BRIP1: variants seen among roughly 807,000 people sequenced by gnomAD.
BRIP1 encodes BRCA1 interacting DNA helicase 1, also known as Fanconi anemia group J protein.
BRIP1 carries 88 observed loss-of-function variants against 119.7 expected under a neutral mutation model. That is an observed-to-expected ratio of 0.74 (90% confidence interval 0.62 to 0.88). BRIP1 has a LOEUF of 0.88. Among genes scored for constraint, BRIP1 ranks in the 40% least tolerant of loss-of-function variants. The pLI, the probability that BRIP1 is intolerant of heterozygous loss-of-function variation, is 0.00. For missense variants in BRIP1, 1,259 were observed against 1,455.4 expected, an observed-to-expected ratio of 0.87 and a Z score of 2.20; for synonymous variants, 443 against 496.5, an observed-to-expected ratio of 0.89 and a Z score of 1.43.
chr17:61,783,413 T>C (rs1232762660), intron 11 of BRIP1, among the ~76,000 whole-genome samples: 1 of 152,172 alleles, frequency 6.6e-6, no homozygotes, highest in Non-Finnish European at 1.5e-5. Context: ...CTAGGGGTTA[T>C]TATTTCATGG....
rs545355999 is a variant in BRIP1 at position 61,706,848 on chromosome 17, C to G, written c.2492+9103G>C. 1.3e-5 allele frequency among the ~76,000 whole-genome samples: 2 copies of G among 152,246 alleles called. No individual in the cohort carries two copies. The highest frequency in any genetic ancestry group is 3.9e-4 in the East Asian group (2 of 5,184). Reference sequence around the variant, plus strand: ...TTCTGTCATTAATTAATCCCCAAACCATGCCATAGCTGTAAAAATTCTTCC... The same window carrying G: ...TTCTGTCATTAATTAATCCCCAAACGATGCCATAGCTGTAAAAATTCTTCC... On this transcript the variant is annotated intron_variant, in intron 17 of 19. Coordinates refer to ENST00000259008, the MANE Select transcript of BRIP1 (RefSeq NM_032043.3). The surrounding 1 kb of genome is among the most constrained non-coding windows in gnomAD (Gnocchi z 5.7).
intron 10 of BRIP1, among the ~76,000 whole-genome samples, chr17:61,784,931 G>A (rs967638456): frequency 6.6e-6 from 1 of 152,078 alleles, no homozygotes; most frequent in African/African-American, 2.4e-5. Flanking sequence ...CCAGCCTCAG[G>A]TATTTATAGT....
Position 61,834,493 on chromosome 17 carries a change from C to T in BRIP1, c.627+12608G>A, listed in dbSNP as rs1373560270. 1.3e-5 allele frequency among the ~76,000 whole-genome samples: 2 copies of T among 152,066 alleles called. No individual in the cohort carries two copies. The highest frequency in any genetic ancestry group is 4.8e-5 in the African/African-American group (2 of 41,378). On this transcript the variant is annotated intron_variant, in intron 6 of 19. Transcript: ENST00000259008. This position sits in a 1 kb window ranked among gnomAD's most constrained non-coding sequence, Gnocchi z 4.4. ...ATACTGGGTATATATGTAATATATA[C>T]TACGTAACAAAAATGGCAACAAATT...
At position 61,743,079 on chromosome 17, in the gene BRIP1, G is replaced by C. The variant is rs1298345650; in HGVS notation, c.2313C>G (p.Phe771Leu). Residue 771 changes from phenylalanine (F) to leucine (L), a missense_variant, in exon 16 of 20, where the codon TTC (phenylalanine) becomes TTG (leucine). Around this residue, in one of 3 missense-constraint regions of BRIP1, gnomAD observed 753 missense variants for 891.8 expected, o/e 0.84. Transcript: ENST00000259008. This position sits in a 1 kb window ranked among gnomAD's most constrained non-coding sequence, Gnocchi z 4.3. ...CRGKVSEGLDFSDDNARAVIT... is the reference protein window; with the variant it reads ...CRGKVSEGLDLSDDNARAVIT... ...TGACAGCACGGGCATTGTCATCTGA[G>C]AAATCCAGACCCTCACTCACTTTAC... 1 of 1,613,908 alleles carries C rather than the reference G, an allele frequency of 6.2e-7. No homozygotes were observed. Among genetic ancestry groups the C allele is most frequent in the Non-Finnish European group, 8.5e-7 (1 of 1,179,870 alleles).
rs541524056 is a variant in BRIP1 at position 61,711,201 on chromosome 17, C to A, written c.2492+4750G>T. ...GGTTTGTAAACGAGAAAACCACATA[C>A]AAATATGACTTCTGTTTCACATGGT... On this transcript the variant is annotated intron_variant, in intron 17 of 19. Coordinates refer to ENST00000259008, the MANE Select transcript of BRIP1 (RefSeq NM_032043.3). 2.6e-4 allele frequency among the ~76,000 whole-genome samples: 40 copies of A among 152,064 alleles called. 1 individual carries two copies. The highest frequency in any genetic ancestry group is 8.2e-4 in the African/African-American group (34 of 41,502).
intron 17 of BRIP1, among the ~76,000 whole-genome samples, chr17:61,694,562 T>C (rs985073207): frequency 2.6e-5 from 4 of 152,082 alleles, no homozygotes; most frequent in Non-Finnish European, 5.9e-5. Context: ...GGGAGTCATA[T>C]AGTAATTCTA....
At chr17:61,818,873 T>A (rs773175047) in intron 6 of BRIP1, among the ~76,000 whole-genome samples, 31 of 152,048 alleles carry the variant, frequency 2.0e-4, no homozygotes, top group Admixed American at 1.8e-3. Context: ...CAATGAGATA[T>A]AATTTCATCC....
intron 6 of BRIP1, among the ~76,000 whole-genome samples, chr17:61,839,442 T>C (rs1567861186): frequency 6.6e-6 from 1 of 152,178 alleles, no homozygotes; most frequent in Non-Finnish European, 1.5e-5. Context: ...AAAATTACTT[T>C]ATACGTCATG....
intron 14 of BRIP1, among the ~76,000 whole-genome samples, chr17:61,765,829 GCACACA>G (rs71150698): frequency 1.2e-4 from 17 of 146,542 alleles, no homozygotes; most frequent in South Asian, 6.6e-4. Flanking sequence ...CTATATTCAT[GCACACA>G]CACACACACA....
rs1316803134 is a variant in BRIP1, at chr17:61,695,871, ATT to A, written c.2493-2361_2493-2360del. On this transcript the variant is annotated intron_variant, in intron 17 of 19. Coordinates refer to ENST00000259008, the MANE Select transcript of BRIP1 (RefSeq NM_032043.3). The surrounding 1 kb of genome is among the most constrained non-coding windows in gnomAD (Gnocchi z 4.3). ...ATCAGTTCTGTTATTTTAAAAATGG[ATT>A]TCTTAGAATTTTCTTAGAATGTAAT... 6.6e-6 allele frequency among the ~76,000 whole-genome samples: 1 copy of A among 152,096 alleles called. No homozygotes were observed. Among genetic ancestry groups the A allele is most frequent in the Admixed American group, 6.5e-5 (1 of 15,276 alleles).
rs1233754371 is a variant in BRIP1, at chr17:61,827,683, A to AG, written c.628-18927dup. Among the ~76,000 whole-genome samples, 4 of 152,194 alleles carry AG rather than the reference A, an allele frequency of 2.6e-5. No individual in the cohort carries two copies. Among genetic ancestry groups the AG allele is most frequent in the African/African-American group, 9.6e-5 (4 of 41,452 alleles). ...GGCGGACACTGCAGTCAGCTGAGAT[A>AG]GTGCCACTGCACTCCGGCCTGGGCG... On this transcript the variant is annotated intron_variant, in intron 6 of 19. Coordinates refer to ENST00000259008, the MANE Select transcript of BRIP1 (RefSeq NM_032043.3). The surrounding 1 kb of genome is among the most constrained non-coding windows in gnomAD (Gnocchi z 5.8).
chr17:61,683,658 T>A lies in BRIP1; in HGVS notation c.3388A>T (p.Ile1130Phe), dbSNP rs786202549. Residue 1130 changes from isoleucine to phenylalanine, a missense_variant, in exon 20 of 20, where the codon ATC becomes TTC. Ile to Phe is a conservative substitution (Grantham distance 21). Around this residue, in one of 3 missense-constraint regions of BRIP1, gnomAD observed 753 missense variants for 891.8 expected, o/e 0.84. Coordinates refer to ENST00000259008, the MANE Select transcript of BRIP1 (RefSeq NM_032043.3). The surrounding 1 kb of genome is among the most constrained non-coding windows in gnomAD (Gnocchi z 4.7). Reference protein sequence around the residue: ...DFETEAEDESIYFTPELYDPE... With the variant: ...DFETEAEDESFYFTPELYDPE... ...TCATAAAGTTCAGGTGTAAAATAGA[T>A]AGATTCATCTTCTGCTTCTGTTTCA... 3 of 1,613,302 alleles carry A rather than the reference T, an allele frequency of 1.9e-6. No individual in the cohort carries two copies. The highest frequency in any genetic ancestry group is 1.7e-6 in the Non-Finnish European group (2 of 1,180,014).
At chr17:61,763,188 C>T (rs2077302707) in intron 14 of BRIP1, among the ~76,000 whole-genome samples, 1 of 152,080 alleles carries the variant, frequency 6.6e-6, no homozygotes, top group African/African-American at 2.4e-5. Flanking sequence ...GAGCTTATTT[C>T]ACTTAGTCTA....
chr17:61,683,138 A>C lies in BRIP1; in HGVS notation c.*158T>G. On this transcript the variant is annotated 3_prime_UTR_variant, in exon 20 of 20. Coordinates refer to ENST00000259008, the MANE Select transcript of BRIP1 (RefSeq NM_032043.3). This position sits in a 1 kb window ranked among gnomAD's most constrained non-coding sequence, Gnocchi z 4.7. ...AGACCAAGACTCTGTCTCAAAAAAAAAAACCCAAAAACTCAAGAATAATAA... is the reference window on the plus strand; with the variant it reads ...AGACCAAGACTCTGTCTCAAAAAAACAAACCCAAAAACTCAAGAATAATAA... The C allele has an allele frequency of 1.1e-6, 1 of 930,512 alleles. No homozygotes were observed. The highest frequency in any genetic ancestry group is 1.6e-6 in the Non-Finnish European group (1 of 641,792). The allele number at this position is 930,512 out of a possible 1,614,324, so 57.6% of individuals were successfully genotyped here.
intron 16 of BRIP1, among the ~76,000 whole-genome samples, chr17:61,733,679 T>C (rs910441287): frequency 1.1e-4 from 17 of 152,000 alleles, no homozygotes; most frequent in African/African-American, 3.4e-4. Context: ...TAAGATAAGT[T>C]TCCTAAACAA....
rs1419571553 is a variant in BRIP1, at chr17:61,803,510, T to A, written c.919-2036A>T. Reference sequence around the variant, plus strand: ...ATGAGCCTAGGAGTTCAAGACCAGCTGGGCAGCACAGGGAGACTCAATCTC... The same window carrying A: ...ATGAGCCTAGGAGTTCAAGACCAGCAGGGCAGCACAGGGAGACTCAATCTC... On this transcript the variant is annotated intron_variant, in intron 7 of 19. Transcript: ENST00000259008. This position sits in a 1 kb window ranked among gnomAD's most constrained non-coding sequence, Gnocchi z 4.3. 6.6e-6 allele frequency among the ~76,000 whole-genome samples: 1 copy of A among 151,906 alleles called. No individual in the cohort carries two copies. The highest frequency in any genetic ancestry group is 1.5e-5 in the Non-Finnish European group (1 of 67,976).
rs1432523169 is a variant in BRIP1, at chr17:61,758,932, C to T, written c.2098-14341G>A. ...GAGGCTGAGGTTGATCCCTTCAACC[C>T]AGGAGTTCAAGGTTATAGTGACCTA... On this transcript the variant is annotated intron_variant, in intron 14 of 19. Transcript: ENST00000259008. The surrounding 1 kb of genome is among the most constrained non-coding windows in gnomAD (Gnocchi z 5.3). Among the ~76,000 whole-genome samples, 1 of 151,694 alleles carries T rather than the reference C, an allele frequency of 6.6e-6. No individual in the cohort carries two copies. Among genetic ancestry groups the T allele is most frequent in the East Asian group, 1.9e-4 (1 of 5,172 alleles).
At chr17:61,728,452 A>G (rs2076799823) in intron 16 of BRIP1, among the ~76,000 whole-genome samples, 1 of 152,210 alleles carries the variant, frequency 6.6e-6, no homozygotes, top group Non-Finnish European at 1.5e-5. Context: ...TCCAAGCCCC[A>G]ATATATGAAC....
Position 61,734,622 on chromosome 17 carries a change from T to A in BRIP1, c.2379+8391A>T, listed in dbSNP as rs991206615. 6.6e-6 allele frequency among the ~76,000 whole-genome samples: 1 copy of A among 152,192 alleles called. No homozygotes were observed. Among genetic ancestry groups the A allele is most frequent in the African/African-American group, 2.4e-5 (1 of 41,460 alleles). On this transcript the variant is annotated intron_variant, in intron 16 of 19. Coordinates refer to ENST00000259008, the MANE Select transcript of BRIP1 (RefSeq NM_032043.3). The surrounding 1 kb of genome is among the most constrained non-coding windows in gnomAD (Gnocchi z 5.2). The stretch of plus-strand genomic sequence containing the variant: ...CACACTTGGCTCCAAAATGAAATTT[T>A]CCTACCTCTACTTTCTAGTCCCTAA...
Sources: allele counts gnomAD v4.1 joint callset (sites outside exome capture counted in the v4.1 genomes callset), GRCh38; gene constraint gnomAD v4.1.1; regional missense constraint gnomAD v4.1.1; non-coding constraint Gnocchi (gnomAD v3.1); transcripts MANE v1.5; gene names NCBI Gene and HGNC (gene_info 2026-07-23, HGNC 2026-07-21).